The following MAST2 variants were observed in gnomAD, a reference collection of about 807,000 sequenced individuals.
The protein encoded by MAST2 is microtubule associated serine/threonine kinase 2, also known as microtubule-associated serine/threonine-protein kinase 2.
Under a neutral mutation model 147.4 loss-of-function variants are expected in MAST2, and 70 were observed. The ratio of observed to expected loss-of-function variants is 0.47; its 90% CI spans 0.39 to 0.58. MAST2 has a LOEUF of 0.58. MAST2 is among the 20% of genes least tolerant of loss of function. The probability of loss-of-function intolerance (pLI) is 0.00; values close to 1 mark genes in which losing one functional copy is unlikely to be tolerated. For synonymous variants in MAST2, 869 were observed against 896.8 expected, an observed-to-expected ratio of 0.97 and a Z score of 0.55; for missense variants, 2,080 against 2,302.3, an observed-to-expected ratio of 0.90 and a Z score of 1.98.
intron 4 of MAST2, among the ~76,000 whole-genome samples, chr1:45,950,474 G>A (rs1238628345): frequency 6.6e-6 from 1 of 152,128 alleles, no homozygotes; most frequent in Non-Finnish European, 1.5e-5. Context: ...TTTAAATAGG[G>A]CTTTTAATAA....
intron 5 of MAST2, among the ~76,000 whole-genome samples, chr1:45,963,944 G>A (rs1000119882): frequency 9.9e-5 from 15 of 152,180 alleles, no homozygotes; most frequent in African/African-American, 2.9e-4. Flanking sequence ...GAATTTTGTC[G>A]AAGGCCTTTT....
At chr1:45,940,922 G>A (rs10890377) in intron 4 of MAST2, among the ~76,000 whole-genome samples, 51,631 of 152,110 alleles carry the variant, frequency 0.34, 9,154 homozygotes, top group African/African-American at 0.43. Flanking sequence ...CCTGGCCTAT[G>A]AGGATTTTAT....
rs753853610 is a variant in MAST2, at chr1:46,034,727, C to A, written c.4058C>A (p.Pro1353Gln). The change falls in exon 29 of 29, where the codon CCA (proline) becomes CAA (glutamine). Residue 1353 changes from proline (P) to glutamine (Q), a missense_variant. Physicochemically the swap from Pro to Gln is moderately conservative, Grantham distance 76. This residue lies in a region of MAST2 where 1,278 missense variants were observed against 1,304.2 expected (regional missense o/e 0.98). Transcript: ENST00000361297. ...CCACTGGCCCACACCCCTTCTCCCC[C>A]ACCCCCAACAGCTTCACCTCAGCGG... ...LSPLAHTPSP[P>Q]PPTASPQRSP... 1.5e-5 allele frequency: 25 copies of A among 1,614,052 alleles called. No homozygotes were observed. The highest frequency in any genetic ancestry group is 1.2e-4 in the Admixed American group (7 of 59,986).
chr1:45,885,844 A>C (rs559458094), intron 4 of MAST2, among the ~76,000 whole-genome samples: 1 of 152,192 alleles, frequency 6.6e-6, no homozygotes, highest in Non-Finnish European at 1.5e-5. Context: ...CATTCTACTT[A>C]AGAGAGACAA....
chr1:45,858,537 CAA>C (rs756624834), intron 3 of MAST2, among the ~76,000 whole-genome samples: 4 of 149,684 alleles, frequency 2.7e-5, no homozygotes, highest in Non-Finnish European at 5.9e-5. Context: ...GAGTAGATTG[CAA>C]AAATTTTCCC....
intron 4 of MAST2, among the ~76,000 whole-genome samples, chr1:45,953,407 C>T (rs1557956740): frequency 6.6e-6 from 1 of 152,142 alleles, no homozygotes; most frequent in African/African-American, 2.4e-5. Context: ...TCGAAAACCT[C>T]CTATGCCCTG....
intron 16 of MAST2, among the ~76,000 whole-genome samples, chr1:46,026,199 C>T: frequency 6.6e-6 from 1 of 152,138 alleles, no homozygotes; most frequent in East Asian, 1.9e-4. Flanking sequence ...GAACTTAAGT[C>T]TACAGTGGGA....
chr1:45,826,549 C>T (rs940308962), intron 2 of MAST2, among the ~76,000 whole-genome samples: 15 of 151,932 alleles, frequency 9.9e-5, no homozygotes, highest in East Asian at 1.9e-4. Context: ...GAGGGGGTTT[C>T]GCCATGTTGC....
chr1:45,956,575 T>C (rs1659692654), intron 4 of MAST2, among the ~76,000 whole-genome samples: 2 of 152,240 alleles, frequency 1.3e-5, no homozygotes, highest in Admixed American at 1.3e-4. Context: ...CAGTCCATAC[T>C]ATGGTCAGTG....
rs757624006 is a variant in MAST2, at chr1:46,034,197, C to A, written c.3799C>A (p.His1267Asn). 6.2e-7 allele frequency: 1 copy of A among 1,614,166 alleles called. No individual in the cohort carries two copies. The highest frequency in any genetic ancestry group is 1.7e-5 in the Admixed American group (1 of 60,022). ...GGAGAGTGGGCCAGGCTCTCCCACA[C>A]ACAGCCACAGCCTTTCCCCCCGATC... ...SGESGPGSPT[H>N]SHSLSPRSPT... Residue 1267 changes from histidine to asparagine, a missense_variant, in exon 28 of 29, where the codon CAC becomes AAC. By Grantham distance (68) the His-to-Asn change is moderately conservative. This residue lies in a region of MAST2 where 1,278 missense variants were observed against 1,304.2 expected (regional missense o/e 0.98). Transcript: ENST00000361297.
At chr1:45,937,288 A>T (rs1232895691) in intron 4 of MAST2, among the ~76,000 whole-genome samples, 1 of 150,930 alleles carries the variant, frequency 6.6e-6, no homozygotes, top group African/African-American at 2.4e-5. Context: ...TTATTTATTT[A>T]CTTGCTTGTT....
intron 4 of MAST2, among the ~76,000 whole-genome samples, chr1:45,938,670 G>T (rs1348919041): frequency 6.6e-6 from 1 of 152,164 alleles, no homozygotes; most frequent in Non-Finnish European, 1.5e-5. Flanking sequence ...TTCTGCAGTG[G>T]ACTGCATCAT....
intron 5 of MAST2, among the ~76,000 whole-genome samples, chr1:45,987,174 AGTT>A (rs1005812471): frequency 5.3e-5 from 8 of 152,178 alleles, no homozygotes; most frequent in African/African-American, 1.9e-4. Flanking sequence ...TAATTGACAA[AGTT>A]GTTCTGATAA....
At chr1:46,007,991 A>C (rs896478269) in intron 8 of MAST2, among the ~76,000 whole-genome samples, 5 of 152,014 alleles carry the variant, frequency 3.3e-5, no homozygotes, top group Admixed American at 6.6e-5. Context: ...AGAGAATCCT[A>C]CTCCAGGGGA....
chr1:46,008,218 G>C, intron 8 of MAST2, 78 bp from the exon 9 acceptor site: 2 of 911,246 alleles, frequency 2.2e-6, no homozygotes, highest in Non-Finnish European at 3.6e-6. Context: ...GGGAGGGGCA[G>C]GGTCTCTGGG....
chr1:45,978,713 A>G (rs1418641310), intron 5 of MAST2, among the ~76,000 whole-genome samples: 4 of 152,220 alleles, frequency 2.6e-5, no homozygotes, highest in African/African-American at 9.6e-5. Context: ...GTACAGAAAC[A>G]AGCAAACTAG....
At chr1:45,847,668 C>T (rs545553572) in intron 3 of MAST2, 49 of 388,434 alleles carry the variant, frequency 1.3e-4, no homozygotes, top group African/African-American at 1.0e-3. Flanking sequence ...GTCTCACCAA[C>T]CACAAGAGCA....
chr1:45,997,316 A>G (rs573977955), intron 5 of MAST2, among the ~76,000 whole-genome samples: 1 of 152,310 alleles, frequency 6.6e-6, no homozygotes, highest in African/African-American at 2.4e-5. Flanking sequence ...AGAGATATAT[A>G]TGCAAGAAAC....
chr1:45,811,530 G>A (rs141257903), intron 1 of MAST2, among the ~76,000 whole-genome samples: 2 of 150,488 alleles, frequency 1.3e-5, no homozygotes, highest in Non-Finnish European at 3.0e-5. Context: ...TAGTAGAGAC[G>A]GGGTTTCACT....
Sources: allele counts gnomAD v4.1 joint callset (sites outside exome capture counted in the v4.1 genomes callset), GRCh38; gene constraint gnomAD v4.1.1; regional missense constraint gnomAD v4.1.1; transcripts MANE v1.5; gene names NCBI Gene and HGNC (gene_info 2026-07-23, HGNC 2026-07-21).